The following UGT1A6 variants were observed in gnomAD, a reference collection of about 807,000 sequenced individuals.
The protein encoded by UGT1A6 is UDP-glucuronosyltransferase 1A6.
UGT1A6 carries 32 observed loss-of-function variants against 44.4 expected under a neutral mutation model. The observed-to-expected ratio is 0.72, with a 90% CI of 0.54 to 0.97. The LOEUF is 0.97. Among genes scored for constraint, UGT1A6 ranks in the 50% least tolerant of loss-of-function variants. The pLI, the probability that UGT1A6 is intolerant of heterozygous loss-of-function variation, is 0.00. For missense variants in UGT1A6, 685 were observed against 661.9 expected, an observed-to-expected ratio of 1.03 and a Z score of -0.38; for synonymous variants, 238 against 248.5, an observed-to-expected ratio of 0.96 and a Z score of 0.40.
At chr2:233,758,073 C>T (rs1352690348) in intron 1 of UGT1A6, among the ~76,000 whole-genome samples, 1 of 152,154 alleles carries the variant, frequency 6.6e-6, no homozygotes, top group East Asian at 1.9e-4. Context: ...CTTTCTGGGC[C>T]TAGTTCCTAG....
chr2:233,771,327 C>T (rs1000719908), intron 4 of UGT1A6: 1 of 152,118 alleles, frequency 6.6e-6, no homozygotes, highest in African/African-American at 2.4e-5. Context: ...TCTTCAATCT[C>T]CTCTTCATTC....
chr2:233,693,782 G>C lies in UGT1A6; in HGVS notation c.778G>C (p.Val260Leu). 1.9e-6 allele frequency: 3 copies of C among 1,614,196 alleles called. No individual in the cohort carries two copies. The East Asian group carries it at 6.7e-5, about 36-fold the overall frequency. ...TGTTTGGCTGTTAAGATATGACTTT[G>C]TGCTTGAATATCCTAGGCCGGTCAT... is the stretch of plus-strand genomic sequence containing the variant. ...VSVWLLRYDF[V>L]LEYPRPVMPN... Residue 260 changes from valine (V) to leucine (L), a missense_variant, in exon 1 of 5, where the codon GTG (valine) becomes CTG (leucine). Transcript: ENST00000305139.
chr2:233,765,958 G>T (rs1456773325), intron 1 of UGT1A6, among the ~76,000 whole-genome samples: 1 of 152,138 alleles, frequency 6.6e-6, no homozygotes, highest in East Asian at 1.9e-4. Flanking sequence ...CACCGGCAGT[G>T]TCTAGAGGTG....
At chr2:233,714,382 T>C (rs1323098990) in intron 1 of UGT1A6, among the ~76,000 whole-genome samples, 2 of 152,130 alleles carry the variant, frequency 1.3e-5, no homozygotes, top group Non-Finnish European at 2.9e-5. Context: ...TTCAGTGGAA[T>C]TGGGCCAATG....
intron 1 of UGT1A6, among the ~76,000 whole-genome samples, chr2:233,736,806 A>C (rs1345730820): frequency 6.6e-6 from 1 of 152,210 alleles, no homozygotes; most frequent in African/African-American, 2.4e-5. Context: ...AGTTTGCTGG[A>C]GGTCCACTCC....
At chr2:233,709,597 G>T (rs4408722) in intron 1 of UGT1A6, among the ~76,000 whole-genome samples, 2,036 of 152,244 alleles carry the variant, frequency 0.013, 51 homozygotes, top group African/African-American at 0.047. Flanking sequence ...GGATGTGAAA[G>T]AAACATTATT....
chr2:233,717,646 G>A (rs1286894473), intron 1 of UGT1A6: 4 of 401,574 alleles, frequency 1.0e-5, no homozygotes, highest in African/African-American at 8.2e-5. Context: ...GGGGCGACCA[G>A]GACAAGGAAG....
At chr2:233,700,854 T>C (rs1009974165) in intron 1 of UGT1A6, among the ~76,000 whole-genome samples, 11 of 152,244 alleles carry the variant, frequency 7.2e-5, no homozygotes, top group African/African-American at 2.2e-4. Context: ...GTATATCTCC[T>C]AATGCTATCC....
At chr2:233,710,803 G>A (rs771907333) in intron 1 of UGT1A6, among the ~76,000 whole-genome samples, 17 of 152,124 alleles carry the variant, frequency 1.1e-4, no homozygotes, top group Non-Finnish European at 2.1e-4. Flanking sequence ...TGTACCCCTC[G>A]TGCCCTATCT....
chr2:233,691,741 C>T (rs1019333955), upstream of UGT1A6: 1 of 650,910 alleles, frequency 1.5e-6, no homozygotes, highest in African/African-American at 2.0e-5. Context: ...GAAGCAGATA[C>T]CAGGCTTTCT....
At chr2:233,764,986 G>A (rs1698720585) in intron 1 of UGT1A6, among the ~76,000 whole-genome samples, 1 of 152,106 alleles carries the variant, frequency 6.6e-6, no homozygotes. Flanking sequence ...CAGTGTCTGG[G>A]GCTTTCCTGG....
At chr2:233,695,917 A>G (rs2075314199) in intron 1 of UGT1A6, among the ~76,000 whole-genome samples, 1 of 152,158 alleles carries the variant, frequency 6.6e-6, no homozygotes, top group African/African-American at 2.4e-5. Context: ...TTTTCTCCAC[A>G]CACCAAGCAA....
chr2:233,728,311 T>G (rs1219809446), intron 1 of UGT1A6, among the ~76,000 whole-genome samples: 2 of 152,208 alleles, frequency 1.3e-5, no homozygotes, highest in Non-Finnish European at 1.5e-5. Flanking sequence ...GTGCAAGATC[T>G]GAGGCCAGGC....
In UGT1A6 at chr2:233,723,736, A is replaced by ACGAG. The variant is rs2077123858; in HGVS notation, c.861+29873_861+29876dup. 4.0e-5 allele frequency among the ~76,000 whole-genome samples: 3 copies of ACGAG among 75,838 alleles called. No homozygotes were observed. The South Asian group carries it at 1.9e-3, about 47-fold the overall frequency. 49.8% of individuals were successfully genotyped at this position (75,838 alleles called of 152,430 possible). ...GATTAGGGATTGGTGATGACTCTTA[A>ACGAG]CGAGCATGCTGCCTTCAAGCATCTG... On this transcript the variant is annotated intron_variant, in intron 1 of 4. Transcript: ENST00000305139.
chr2:233,714,585 C>A (rs1055592636), intron 1 of UGT1A6, among the ~76,000 whole-genome samples: 7 of 152,290 alleles, frequency 4.6e-5, no homozygotes, highest in African/African-American at 1.7e-4. Context: ...ATAATTTAAA[C>A]TTTTCTAGTG....
Position 233,693,709 on chromosome 2 carries a change from T to G in UGT1A6, c.705T>G (p.Ala235=), listed in dbSNP as rs2075176128. ...LFSKYEELAS[A]VLKRDVDIIT... ...CAAAGTATGAAGAACTCGCATCAGC[T>G]GTCCTCAAGAGAGATGTGGATATAA... The change falls in exon 1 of 5, where the codon GCT becomes GCG. Residue 235 remains alanine (A), a synonymous_variant. Transcript: ENST00000305139. 3 of 1,614,230 alleles carry G rather than the reference T, an allele frequency of 1.9e-6. No homozygotes were observed. In the East Asian group the frequency reaches 6.7e-5, roughly 36 times the overall value.
intron 1 of UGT1A6, among the ~76,000 whole-genome samples, chr2:233,724,415 C>T (rs1413397133): frequency 1.7e-4 from 22 of 126,854 alleles, no homozygotes; most frequent in East Asian, 7.8e-4. Flanking sequence ...GGGTGGCTGC[C>T]GGGCGGAGAG....
At chr2:233,758,124 A>G (rs1696806452) in intron 1 of UGT1A6, among the ~76,000 whole-genome samples, 1 of 152,212 alleles carries the variant, frequency 6.6e-6, no homozygotes, top group South Asian at 2.1e-4. Flanking sequence ...CGTTCCATAA[A>G]TATTTGGCAG....
intron 1 of UGT1A6, among the ~76,000 whole-genome samples, chr2:233,702,495 G>A (rs755245410): frequency 2.6e-5 from 4 of 152,000 alleles, no homozygotes; most frequent in Non-Finnish European, 5.9e-5. Flanking sequence ...CTCTAGTACC[G>A]TGTTGAATAG....
Sources: gnomAD v4.1 joint callset for allele counts (sites outside exome capture counted in the v4.1 genomes callset) on GRCh38, gnomAD v4.1.1 for gene constraint, MANE v1.5 for transcripts, NCBI Gene and HGNC (gene_info 2026-07-23, HGNC 2026-07-21) for gene names.